The following NAV2 variants were observed in gnomAD, a reference collection of about 807,000 sequenced individuals.
NAV2 encodes the protein neuron navigator 2, also known as helicase, APC down-regulated 1.
Under a neutral mutation model 223.2 loss-of-function variants are expected in NAV2, and 54 were observed. That is an observed-to-expected ratio of 0.24 (90% CI 0.19 to 0.30). The LOEUF (loss-of-function observed/expected upper bound fraction) is 0.30. Ranked by LOEUF, NAV2 falls within the 10% of genes least tolerant of loss-of-function variation. NAV2 has a pLI of 1.00. For synonymous variants in NAV2, 1,279 were observed against 1,239.3 expected (o/e 1.03, Z -0.67); for missense variants, 2,806 against 3,147.5 (o/e 0.89, Z 2.60).
At chr11:19,660,054 G>C (rs947423098) in intron 1 of NAV2, among the ~76,000 whole-genome samples, 12 of 152,044 alleles carry the variant, frequency 7.9e-5, no homozygotes, top group Non-Finnish European at 1.8e-4. Context: ...AACAACTCTT[G>C]TTTGGAAAGA....
At position 19,459,062 on chromosome 11, in the gene NAV2, G is replaced by A. The variant is rs181754024; in HGVS notation, c.75+108035G>A. ...GCGGGCTGGGGTCCTTGTTGCTCAGGCCTAGAAAATGCTAAAGGCAGGGAA... is the reference window on the plus strand; with the variant it reads ...GCGGGCTGGGGTCCTTGTTGCTCAGACCTAGAAAATGCTAAAGGCAGGGAA... On this transcript the variant is annotated intron_variant, in intron 1 of 37. Transcript: ENST00000360655. Among the ~76,000 whole-genome samples, 9 of 152,328 alleles carry A rather than the reference G, an allele frequency of 5.9e-5. No homozygotes were observed. The East Asian group carries it at 1.3e-3, about 23-fold the overall frequency.
intron 1 of NAV2, among the ~76,000 whole-genome samples, chr11:19,738,653 G>A (rs1259185793): frequency 6.6e-6 from 1 of 152,178 alleles, no homozygotes; most frequent in Non-Finnish European, 1.5e-5. Context: ...ATGGTTCCTG[G>A]CCATTGTGAG....
intron 10 of NAV2, among the ~76,000 whole-genome samples, chr11:19,968,628 T>A (rs2153423719): frequency 6.6e-6 from 1 of 152,334 alleles, no homozygotes; most frequent in East Asian, 1.9e-4. Flanking sequence ...TGAATTATGA[T>A]TTTAGCTTAT....
chr11:19,611,413 C>T (rs2046640359), intron 1 of NAV2, among the ~76,000 whole-genome samples: 1 of 152,128 alleles, frequency 6.6e-6, no homozygotes, highest in East Asian at 1.9e-4. Context: ...CAGCATTAAC[C>T]CAACAGTCCA....
intron 1 of NAV2, among the ~76,000 whole-genome samples, chr11:19,693,525 A>G (rs1762404389): frequency 6.6e-6 from 1 of 152,212 alleles, no homozygotes; most frequent in Non-Finnish European, 1.5e-5. Flanking sequence ...TTTTGAGGAA[A>G]ATAAAACAAA....
chr11:19,816,065 G>A (rs568818814), intron 1 of NAV2, among the ~76,000 whole-genome samples: 4 of 152,232 alleles, frequency 2.6e-5, no homozygotes, highest in East Asian at 1.9e-4. Flanking sequence ...GGTAGTCTTC[G>A]TAGTAAACGC....
chr11:20,101,154 G>A lies in NAV2; in HGVS notation c.6399G>A (p.Val2133=), dbSNP rs2061608631. The A allele has an allele frequency of 2.5e-6, 4 of 1,612,776 alleles. No homozygotes were observed. Among genetic ancestry groups the A allele is most frequent in the Middle Eastern group, 1.7e-4 (1 of 6,056 alleles). ...LTDGVIATFN[V]DHKSSKELRQ... is the part of the protein sequence containing the mutation. ...ACGGGGTTATCGCCACCTTTAACGT[G>A]GACCATAAGTCCAGCAAGGTGAGGA... is the stretch of plus-strand genomic sequence containing the variant. Residue 2133 remains valine, a synonymous_variant, in exon 32 of 38, where the codon GTG becomes GTA. Transcript: ENST00000349880.
At chr11:19,393,297 A>G (rs1190194737) in intron 1 of NAV2, among the ~76,000 whole-genome samples, 3 of 152,196 alleles carry the variant, frequency 2.0e-5, no homozygotes, top group African/African-American at 7.2e-5. Flanking sequence ...GCCTCTGATA[A>G]AGGTGCCAGA....
intron 1 of NAV2, among the ~76,000 whole-genome samples, chr11:19,411,409 G>A (rs2702629): frequency 0.65 from 99,110 of 152,002 alleles, 32,997 homozygotes; most frequent in South Asian, 0.72. Context: ...TGCTTTCTCC[G>A]TTATTACAAG....
chr11:20,061,632 G>A (rs1181470369), intron 19 of NAV2, among the ~76,000 whole-genome samples: 1 of 150,930 alleles, frequency 6.6e-6, no homozygotes, highest in African/African-American at 2.4e-5. Flanking sequence ...GGACATATAA[G>A]TGGTTCTAGT....
chr11:19,543,305 G>A (rs2044390025), intron 1 of NAV2, among the ~76,000 whole-genome samples: 1 of 152,188 alleles, frequency 6.6e-6, no homozygotes, highest in African/African-American at 2.4e-5. Context: ...TGGGCTTCCT[G>A]CTGAAAGTCC....
chr11:19,728,585 A>G (rs555489613), intron 1 of NAV2, among the ~76,000 whole-genome samples: 1 of 152,326 alleles, frequency 6.6e-6, no homozygotes, highest in South Asian at 2.1e-4. Flanking sequence ...GCAAGCTGCT[A>G]AACCCTGCCT....
chr11:19,885,338 C>G (rs1259116125), intron 5 of NAV2, among the ~76,000 whole-genome samples: 1 of 152,178 alleles, frequency 6.6e-6, no homozygotes, highest in African/African-American at 2.4e-5. Context: ...GTGCTACACT[C>G]TCTTCCCTCT....
At chr11:19,383,803 C>T (rs1425593660) in intron 1 of NAV2, among the ~76,000 whole-genome samples, 1 of 152,232 alleles carries the variant, frequency 6.6e-6, no homozygotes, top group Non-Finnish European at 1.5e-5. Flanking sequence ...AAGCTTTTTC[C>T]TTTCAATGAG....
intron 1 of NAV2, among the ~76,000 whole-genome samples, chr11:19,609,836 A>T (rs548322686): frequency 6.6e-6 from 1 of 152,266 alleles, no homozygotes; most frequent in Admixed American, 6.5e-5. Context: ...CAGTGGGTCC[A>T]TATTGGCTCT....
At chr11:19,893,985 A>G (rs1050594447) in intron 6 of NAV2, among the ~76,000 whole-genome samples, 1 of 152,116 alleles carries the variant, frequency 6.6e-6, no homozygotes, top group East Asian at 1.9e-4. Context: ...ACACCATTCT[A>G]TATATATCCA....
At chr11:19,479,329 T>C (rs939566852) in intron 1 of NAV2, among the ~76,000 whole-genome samples, 1 of 152,092 alleles carries the variant, frequency 6.6e-6, no homozygotes, top group African/African-American at 2.4e-5. Context: ...AAAAGGGACC[T>C]TTTCGGAGAT....
chr11:19,823,823 G>A (rs1286215461), intron 1 of NAV2, among the ~76,000 whole-genome samples: 2 of 152,098 alleles, frequency 1.3e-5, no homozygotes, highest in Admixed American at 6.5e-5. Context: ...TGTAGATGAC[G>A]GGTTGATGGG....
At chr11:19,387,437 T>A (rs552917846) in intron 1 of NAV2, among the ~76,000 whole-genome samples, 3 of 152,066 alleles carry the variant, frequency 2.0e-5, no homozygotes, top group African/African-American at 7.2e-5. Flanking sequence ...TGCTGGAGCA[T>A]GGGCTGGGAG....
Sources: allele counts gnomAD v4.1 joint callset (sites outside exome capture counted in the v4.1 genomes callset), GRCh38; gene constraint gnomAD v4.1.1; transcripts MANE v1.5; gene names NCBI Gene and HGNC (gene_info 2026-07-23, HGNC 2026-07-21).